PTK7: variants seen among roughly 807,000 people sequenced by gnomAD.
PTK7 encodes protein tyrosine kinase 7 (inactive).
PTK7 carries 39 observed loss-of-function variants against 116.6 expected under a neutral mutation model. That is an observed-to-expected ratio of 0.33 (90% confidence interval 0.26 to 0.44). PTK7 has a LOEUF of 0.44. Ranked by LOEUF, PTK7 falls within the 20% of genes least tolerant of loss-of-function variation. The pLI is 1.00. For synonymous variants in PTK7, 546 were observed against 563.6 expected (o/e 0.97, Z 0.44); for missense variants, 1,169 against 1,425.6 (o/e 0.82, Z 2.90).
chr6:43,153,754 A>G (rs778979305), intron 17 of PTK7, among the ~76,000 whole-genome samples: 1 of 152,042 alleles, frequency 6.6e-6, no homozygotes, highest in Non-Finnish European at 1.5e-5. Context: ...AATTAACTTA[A>G]AGCCAGGTGC....
chr6:43,083,710 A>C (rs1482496380), intron 1 of PTK7, among the ~76,000 whole-genome samples: 1 of 152,164 alleles, frequency 6.6e-6, no homozygotes, highest in East Asian at 1.9e-4. Flanking sequence ...TGCTGTGTGC[A>C]TTAACTGGGG....
intron 1 of PTK7, among the ~76,000 whole-genome samples, chr6:43,123,551 G>A (rs962875268): frequency 2.8e-4 from 41 of 148,220 alleles, no homozygotes; most frequent in African/African-American, 9.8e-4. Context: ...GGCTGGCTGG[G>A]CCTGAGCCCA....
intron 1 of PTK7, among the ~76,000 whole-genome samples, chr6:43,109,503 G>T (rs866511165): frequency 1.3e-5 from 2 of 152,000 alleles, no homozygotes; most frequent in Non-Finnish European, 2.9e-5. Context: ...AAATTTTTTA[G>T]AACATTAGTA....
Position 43,139,492 on chromosome 6 carries a change from C to G in PTK7, c.1585C>G (p.Arg529Gly). 1 of 1,614,172 alleles carries G rather than the reference C, an allele frequency of 6.2e-7. No homozygotes were observed. Among genetic ancestry groups the G allele is most frequent in the Non-Finnish European group, 8.5e-7 (1 of 1,180,042 alleles). Reference protein sequence around the residue: ...EATVPCSATGREKPTIKWERA... With the variant: ...EATVPCSATGGEKPTIKWERA... ...CACGGTGCCCTGTTCAGCCACAGGC[C>G]GAGAGAAGCCCACTATTAAGTGGGA... The change falls in exon 10 of 20, where the codon CGA (arginine) becomes GGA (glycine). Residue 529 changes from arginine to glycine, a missense_variant. Arg to Gly is a moderately radical substitution (Grantham distance 125). This residue lies in a region of PTK7 where 678 missense variants were observed against 853.8 expected (regional missense o/e 0.79). Transcript: ENST00000230419. The surrounding 1 kb of genome is among the most constrained non-coding windows in gnomAD (Gnocchi z 4.6).
In PTK7 at chr6:43,159,920, T is replaced by G. The variant is rs753303818; in HGVS notation, c.3006T>G (p.His1002Gln). The G allele has an allele frequency of 6.2e-7, 1 of 1,614,162 alleles. No individual in the cohort carries two copies. Among genetic ancestry groups the G allele is most frequent in the East Asian group, 2.2e-5 (1 of 44,880 alleles). Residue 1002 changes from histidine to glutamine, a missense_variant, in exon 19 of 20, where the codon CAT (histidine) becomes CAG (glutamine). By Grantham distance (24) the His-to-Gln change is conservative (BLOSUM62 0). Around this residue, in one of 3 missense-constraint regions of PTK7, gnomAD observed 678 missense variants for 853.8 expected, o/e 0.79. Transcript: ENST00000230419. ...FGVLMWEVFT[H>Q]GEMPHGGQAD... ...TGCTGATGTGGGAAGTGTTTACACA[T>G]GGAGAGATGCCCCATGGTGGGCAGG...
At chr6:43,154,834 C>A (rs1771326832) in intron 17 of PTK7, among the ~76,000 whole-genome samples, 1 of 152,236 alleles carries the variant, frequency 6.6e-6, no homozygotes, top group Non-Finnish European at 1.5e-5. Context: ...AGCCAGCAGC[C>A]CAACCTCTGT....
At chr6:43,118,681 A>ATGTCTG (rs1270068043) in intron 1 of PTK7, among the ~76,000 whole-genome samples, 10 of 105,552 alleles carry the variant, frequency 9.5e-5, no homozygotes, top group African/African-American at 4.0e-4. Context: ...ATATATATAT[A>ATGTCTG]TATATATGTA....
rs78387636 is a variant in PTK7, at chr6:43,123,809, C to T, written c.80-5168C>T. 2.6e-5 allele frequency among the ~76,000 whole-genome samples: 4 copies of T among 152,300 alleles called. No homozygotes were observed. The South Asian group carries it at 8.3e-4, about 32-fold the overall frequency. ...GGCTTCTTGCCTGCTGAGCCCGGTA[C>T]GGCAGGCTCATACCGGGGAAGCAGC... On this transcript the variant is annotated intron_variant, in intron 1 of 19. Coordinates refer to ENST00000230419, the MANE Select transcript of PTK7 (RefSeq NM_002821.5).
rs190623650 is a variant in PTK7, at chr6:43,108,602, G to A, written c.80-20375G>A. 4.1e-3 allele frequency among the ~76,000 whole-genome samples: 625 copies of A among 150,966 alleles called. 4 individuals carry two copies. The highest frequency in any genetic ancestry group is 0.014 in the African/African-American group (584 of 41,020). On this transcript the variant is annotated intron_variant, in intron 1 of 19. Transcript: ENST00000230419. The stretch of plus-strand genomic sequence containing the variant: ...ATTTTTGTAGAGACGGGGTTTTACC[G>A]TGTTGCCCAGGCTGGTCTCGAACTC...
intron 1 of PTK7, among the ~76,000 whole-genome samples, chr6:43,080,090 C>T (rs1766290787): frequency 6.6e-6 from 1 of 150,406 alleles, no homozygotes; most frequent in Admixed American, 6.6e-5. Flanking sequence ...CAGTGGCTCA[C>T]GCCTGTAATC....
In PTK7 at chr6:43,132,157, C is replaced by T. The variant is rs752053533; in HGVS notation, c.954C>T (p.His318=). The change falls in exon 6 of 20, where the codon CAC becomes CAT. Residue 318 remains histidine (H), a synonymous_variant. Transcript: ENST00000230419. ...GPPIILEATL[H]LAEIEDMPLF... is the part of the protein sequence containing the mutation. ...CCATCATCCTGGAAGCCACACTTCA[C>T]CTAGCAGGTGAGTCTCTGGGTCTGG... is the stretch of plus-strand genomic sequence containing the variant. 8 of 1,609,452 alleles carry T rather than the reference C, an allele frequency of 5.0e-6. No individual in the cohort carries two copies.
intron 1 of PTK7, among the ~76,000 whole-genome samples, chr6:43,088,839 C>G (rs1766800015): frequency 6.6e-6 from 1 of 152,208 alleles, no homozygotes; most frequent in Non-Finnish European, 1.5e-5. Flanking sequence ...CCTCCTCCTC[C>G]TGGTGCTGCT....
chr6:43,132,042 T>C lies in PTK7; in HGVS notation c.839T>C (p.Val280Ala). ...SRPPHLRRATVFANGSLLLTQ... is the reference protein window; with the variant it reads ...SRPPHLRRATAFANGSLLLTQ... ...CCCCCACACCTCCGCAGAGCCACAG[T>C]GTTTGCCAACGGGTCTCTGCTGCTG... Residue 280 changes from valine (V) to alanine (A), a missense_variant, in exon 6 of 20, where the codon GTG becomes GCG. Val to Ala is a moderately conservative substitution (Grantham distance 64). Coordinates refer to ENST00000230419, the MANE Select transcript of PTK7 (RefSeq NM_002821.5). 2.5e-6 allele frequency: 4 copies of C among 1,614,108 alleles called. No homozygotes were observed. Among genetic ancestry groups the C allele is most frequent in the Non-Finnish European group, 3.4e-6 (4 of 1,180,032 alleles).
rs774907860 is a variant in PTK7, at chr6:43,160,755, C to G, written c.3087C>G (p.Pro1029=). The G allele has an allele frequency of 6.2e-7, 1 of 1,614,098 alleles. No individual in the cohort carries two copies. Among genetic ancestry groups the G allele is most frequent in the South Asian group, 1.1e-5 (1 of 91,092 alleles). The change falls in exon 20 of 20, where the codon CCC becomes CCG. Residue 1029 remains proline (P), a synonymous_variant. Coordinates refer to ENST00000230419, the MANE Select transcript of PTK7 (RefSeq NM_002821.5). ...CTGGGAAGGCTAGACTTCCTCAGCC[C>G]GAGGGCTGCCCTTCCAAACTCTATC... The part of the protein sequence containing the change: ...LQAGKARLPQ[P]EGCPSKLYRL...
intron 1 of PTK7, among the ~76,000 whole-genome samples, chr6:43,083,034 C>T (rs761286945): frequency 1.4e-4 from 21 of 152,192 alleles, no homozygotes; most frequent in Admixed American, 5.9e-4. Context: ...TAAGCCAATG[C>T]AGCTTCTGTG....
At position 43,143,184 on chromosome 6, in the gene PTK7, GGCTTC is replaced by G; in HGVS notation, c.2048-232_2048-228del. On this transcript the variant is annotated intron_variant, in intron 13 of 19. Coordinates refer to ENST00000230419, the MANE Select transcript of PTK7 (RefSeq NM_002821.5). This position sits in a 1 kb window ranked among gnomAD's most constrained non-coding sequence, Gnocchi z 4.2. ...TGTGCTTATCCGTGTCGCCTGTCTT[GGCTTC>G]CGATGCAAAGCCAGCTTGGGAACCC... is the stretch of plus-strand genomic sequence containing the variant. 1 of 503,320 alleles carries G rather than the reference GGCTTC, an allele frequency of 2.0e-6. No homozygotes were observed. Among genetic ancestry groups the G allele is most frequent in the Non-Finnish European group, 3.5e-6 (1 of 282,380 alleles). The allele number at this position is 503,320 out of a possible 1,614,324, so 31.2% of individuals were successfully genotyped here.
chr6:43,141,550 G>C lies in PTK7; in HGVS notation c.1619-118G>C. ...CACTTGGCTCAGGAGTTTGGACTTT[G>C]CCTGTGGGTGGTCAGGAGCGATGGT... On this transcript the variant is annotated intron_variant, in intron 10 of 19. Coordinates refer to ENST00000230419, the MANE Select transcript of PTK7 (RefSeq NM_002821.5). The surrounding 1 kb of genome is among the most constrained non-coding windows in gnomAD (Gnocchi z 4.9). The C allele has an allele frequency of 8.0e-7, 1 of 1,255,112 alleles. No individual in the cohort carries two copies. Among genetic ancestry groups the C allele is most frequent in the South Asian group, 1.4e-5 (1 of 71,248 alleles). 77.7% of individuals were successfully genotyped at this position (1,255,112 alleles called of 1,614,324 possible).
chr6:43,118,477 A>G (rs921495104), intron 1 of PTK7, among the ~76,000 whole-genome samples: 3 of 151,626 alleles, frequency 2.0e-5, no homozygotes, highest in Non-Finnish European at 2.9e-5. Context: ...CGGGGGTTGC[A>G]GTGAGCTGAG....
chr6:43,130,539 A>G lies in PTK7; in HGVS notation c.690A>G (p.Ala230=). 1 of 1,613,900 alleles carries G rather than the reference A, an allele frequency of 6.2e-7. No individual in the cohort carries two copies. The highest frequency in any genetic ancestry group is 8.5e-7 in the Non-Finnish European group (1 of 1,179,954). ...AAAGCTTTGCCAGGGTGGTGCTGGC[A>G]CCCCAGGACGTGGTAGTAGCGAGGT... The part of the protein sequence containing the change: ...ADESFARVVL[A]PQDVVVARYE... Residue 230 remains alanine (A), a synonymous_variant, in exon 5 of 20, where the codon GCA becomes GCG. Transcript: ENST00000230419.
Sources: gnomAD v4.1 joint callset for allele counts (sites outside exome capture counted in the v4.1 genomes callset) on GRCh38, gnomAD v4.1.1 for gene constraint, gnomAD v4.1.1 regional missense constraint, Gnocchi (gnomAD v3.1) non-coding constraint, MANE v1.5 for transcripts, NCBI Gene and HGNC (gene_info 2026-07-23, HGNC 2026-07-21) for gene names.